The following GABRA2 variants were observed in gnomAD, a reference collection of about 807,000 sequenced individuals.
GABRA2 encodes gamma-aminobutyric acid receptor subunit alpha-2.
Under a neutral mutation model 48.7 loss-of-function variants are expected in GABRA2, and 16 were observed. That is an observed-to-expected ratio of 0.33 (90% CI 0.22 to 0.50). GABRA2 has a LOEUF of 0.50. Ranked by LOEUF, GABRA2 falls within the 20% of genes least tolerant of loss-of-function variation. The pLI, the probability that GABRA2 is intolerant of heterozygous loss-of-function variation, is 0.98. For synonymous variants in GABRA2, 185 were observed against 184.5 expected (o/e 1.00, Z -0.02); for missense variants, 275 against 535.6 (o/e 0.51, Z 4.80).
At chr4:46,250,800 T>C (rs1714597853) in intron 9 of GABRA2, among the ~76,000 whole-genome samples, 196 bp from the exon 10 acceptor site, 1 of 151,600 alleles carries the variant, frequency 6.6e-6, no homozygotes, top group African/African-American at 2.4e-5. Flanking sequence ...CCCAGTAAAA[T>C]TAGTGGTACC....
intron 9 of GABRA2, 115 bp downstream of exon 9, chr4:46,261,811 T>A: frequency 1.1e-6 from 1 of 895,036 alleles, no homozygotes; most frequent in East Asian, 2.6e-5. Flanking sequence ...TTGATATGAT[T>A]CAAATTCATA....
intron 3 of GABRA2, among the ~76,000 whole-genome samples, chr4:46,369,642 T>C (rs1408218539): frequency 6.6e-6 from 1 of 152,108 alleles, no homozygotes; most frequent in East Asian, 1.9e-4. Context: ...GTTCATCATT[T>C]GTCTATCTAT....
At chr4:46,307,180 T>A (rs752044174) in intron 6 of GABRA2, among the ~76,000 whole-genome samples, 3 of 152,044 alleles carry the variant, frequency 2.0e-5, no homozygotes, top group Non-Finnish European at 4.4e-5. Flanking sequence ...GGTTTAGTTT[T>A]CTAATTAAGT....
chr4:46,313,927 G>C (rs75244323), intron 4 of GABRA2, among the ~76,000 whole-genome samples: 3,896 of 152,150 alleles, frequency 0.026, 64 homozygotes, highest in Middle Eastern at 0.061. Context: ...GTACAAATCG[G>C]AATCAAATAC....
chr4:46,251,868 A>T (rs1486756912), intron 9 of GABRA2, among the ~76,000 whole-genome samples: 1 of 151,486 alleles, frequency 6.6e-6, no homozygotes, highest in Non-Finnish European at 1.5e-5. Flanking sequence ...CACATAATAC[A>T]TCAGTGAAAT....
At chr4:46,266,783 A>G (rs1718335889) in intron 8 of GABRA2, among the ~76,000 whole-genome samples, 1 of 140,340 alleles carries the variant, frequency 7.1e-6, no homozygotes, top group Non-Finnish European at 1.5e-5. Flanking sequence ...GGGCAGTGAC[A>G]TGGTCTCAGC....
chr4:46,264,527 T>C (rs1012516432), intron 8 of GABRA2, among the ~76,000 whole-genome samples: 1 of 152,124 alleles, frequency 6.6e-6, no homozygotes, highest in Non-Finnish European at 1.5e-5. Flanking sequence ...ATTTCTGGGA[T>C]AAATCCCACT....
chr4:46,315,343 C>G (rs757244412), intron 4 of GABRA2, among the ~76,000 whole-genome samples: 3 of 151,648 alleles, frequency 2.0e-5, no homozygotes, highest in Non-Finnish European at 4.4e-5. Flanking sequence ...TTTGGTTTTA[C>G]TTGTTGAATT....
intron 3 of GABRA2, among the ~76,000 whole-genome samples, chr4:46,369,507 AC>A (rs1249449144): frequency 6.6e-6 from 1 of 151,886 alleles, no homozygotes; most frequent in African/African-American, 2.4e-5. Context: ...TTGCAGCTTG[AC>A]AAATACAGAT....
intron 3 of GABRA2, among the ~76,000 whole-genome samples, chr4:46,372,506 G>A (rs764923248): frequency 3.3e-5 from 5 of 152,012 alleles, no homozygotes; most frequent in South Asian, 4.1e-4. Flanking sequence ...ATAAAGAGTC[G>A]ATGTTCTTTA....
intron 4 of GABRA2, among the ~76,000 whole-genome samples, chr4:46,322,100 G>C (rs1477960278): frequency 6.6e-6 from 1 of 151,918 alleles, no homozygotes; most frequent in Non-Finnish European, 1.5e-5. Flanking sequence ...CCTTACCATT[G>C]CATCAACTTT....
intron 8 of GABRA2, among the ~76,000 whole-genome samples, chr4:46,275,146 T>C (rs952733646): frequency 1.1e-4 from 16 of 152,086 alleles, no homozygotes; most frequent in Non-Finnish European, 1.6e-4. Flanking sequence ...TCTGAGTGGA[T>C]TCACCTATTT....
At chr4:46,253,786 T>A (rs1206155243) in intron 9 of GABRA2, among the ~76,000 whole-genome samples, 1 of 151,456 alleles carries the variant, frequency 6.6e-6, no homozygotes, top group East Asian at 2.0e-4. Flanking sequence ...GGCAATCCTA[T>A]GGTGCTGCAT....
chr4:46,294,577 C>A (rs1724275611), intron 8 of GABRA2, among the ~76,000 whole-genome samples: 1 of 152,178 alleles, frequency 6.6e-6, no homozygotes. Flanking sequence ...GCTGTGTAAG[C>A]TGCTCTGCCA....
chr4:46,389,194 AG>A (rs1477363488), intron 1 of GABRA2: 1 of 988,194 alleles, frequency 1.0e-6, no homozygotes, highest in Non-Finnish European at 1.2e-6. Context: ...GGGAAAAGCT[AG>A]GGGCAGGCAG....
At chr4:46,349,007 C>A (rs1412290768) in intron 3 of GABRA2, among the ~76,000 whole-genome samples, 4 of 151,968 alleles carry the variant, frequency 2.6e-5, no homozygotes, top group Non-Finnish European at 5.9e-5. Context: ...GAGCAGCCAA[C>A]AACATTCAGT....
At chr4:46,326,231 G>T (rs1730348260) in intron 4 of GABRA2, among the ~76,000 whole-genome samples, 1 of 151,936 alleles carries the variant, frequency 6.6e-6, no homozygotes, top group Non-Finnish European at 1.5e-5. Context: ...ATGACTGCAT[G>T]TACTAAGTTC....
At chr4:46,294,340 G>C (rs1018499677) in intron 8 of GABRA2, among the ~76,000 whole-genome samples, 1 of 152,154 alleles carries the variant, frequency 6.6e-6, no homozygotes, top group African/African-American at 2.4e-5. Flanking sequence ...ATTTCTAGGG[G>C]TCCAGTATTT....
chr4:46,327,186 A>G (rs1730534702), intron 4 of GABRA2, among the ~76,000 whole-genome samples: 1 of 151,920 alleles, frequency 6.6e-6, no homozygotes, highest in African/African-American at 2.4e-5. Context: ...CTTATAATAT[A>G]TTTGTGCTTC....
Sources: gnomAD v4.1 joint callset for allele counts (sites outside exome capture counted in the v4.1 genomes callset) on GRCh38, gnomAD v4.1.1 for gene constraint, MANE v1.5 for transcripts, NCBI Gene and HGNC (gene_info 2026-07-23, HGNC 2026-07-21) for gene names.